Variants in UPB1 observed in about 807,000 individuals in gnomAD.
The protein encoded by UPB1 is beta-ureidopropionase 1, also known as beta-ureidopropionase.
Under a neutral mutation model 49.1 loss-of-function variants are expected in UPB1, and 40 were observed. The ratio of observed to expected loss-of-function variants is 0.81; its 90% confidence interval spans 0.63 to 1.06. UPB1 has a LOEUF of 1.06. UPB1 is among the 50% of genes least tolerant of loss of function. UPB1 has a pLI of 0.00. For missense variants in UPB1, 499 were observed against 505.9 expected, an observed-to-expected ratio of 0.99 and a Z score of 0.13; for synonymous variants, 207 against 198.2, an observed-to-expected ratio of 1.04 and a Z score of -0.38.
chr22:24,521,243 A>G (rs1164873872), intron 7 of UPB1, among the ~76,000 whole-genome samples: 1 of 149,358 alleles, frequency 6.7e-6, no homozygotes, highest in African/African-American at 2.5e-5. Context: ...GCACTTTGGG[A>G]GACCGAGTCG....
chr22:24,521,423 C>T (rs545513074), intron 7 of UPB1, among the ~76,000 whole-genome samples: 138 of 151,986 alleles, frequency 9.1e-4, no homozygotes, highest in Middle Eastern at 3.4e-3. Context: ...GTGGAAGAGC[C>T]GCGGTCGCAT....
In UPB1 at chr22:24,512,624, C is replaced by T. The variant is rs1379756865; in HGVS notation, c.460-700C>T. Among the ~76,000 whole-genome samples, 24 of 152,052 alleles carry T rather than the reference C, an allele frequency of 1.6e-4. 1 individual carries two copies. The highest frequency in any genetic ancestry group is 3.5e-4 in the Non-Finnish European group (24 of 68,014). ...TAGTGTAAAGTATATTCACACTGTG[C>T]GGATCTCCAGAATTTTTGCATCTTG... On this transcript the variant is annotated intron_variant, in intron 4 of 9. Transcript: ENST00000326010.
At chr22:24,513,273 T>A in intron 4 of UPB1, 51 bp from the exon 5 acceptor site, 1 of 1,613,552 alleles carries the variant, frequency 6.2e-7, no homozygotes, top group Non-Finnish European at 8.5e-7. Context: ...GATAAAAAAC[T>A]ACAACAATTG....
At chr22:24,513,227 C>T (rs577113308) in intron 4 of UPB1, 97 bp from the exon 5 acceptor site, 6 of 1,580,710 alleles carry the variant, frequency 3.8e-6, no homozygotes, top group South Asian at 1.1e-5. Flanking sequence ...GTTGCTCTGA[C>T]CCAAGCCTAT....
chr22:24,511,618 A>ATATAT (rs1280628896), intron 4 of UPB1, among the ~76,000 whole-genome samples: 27 of 122,554 alleles, frequency 2.2e-4, no homozygotes, highest in African/African-American at 7.8e-4. Flanking sequence ...ATATATATAT[A>ATATAT]TTTTTTTTTT....
At chr22:24,501,964 C>T (rs2044000711) in intron 2 of UPB1, among the ~76,000 whole-genome samples, 162 bp from the exon 3 acceptor site, 1 of 152,180 alleles carries the variant, frequency 6.6e-6, no homozygotes, top group Non-Finnish European at 1.5e-5. Flanking sequence ...GCTTTTCATG[C>T]AGATTTTGGA....
In UPB1 at chr22:24,515,395, G is replaced by A. The variant is rs575607732; in HGVS notation, c.791+25G>A. On this transcript the variant is annotated intron_variant, in intron 6 of 9. Coordinates refer to ENST00000326010, the MANE Select transcript of UPB1 (RefSeq NM_016327.3). ...GGTCACTCAGTTGGTGGGGTCTGGGGGGCTTCCTGGGGCCCAGCCAGCTAA... is the reference window on the plus strand; with the variant it reads ...GGTCACTCAGTTGGTGGGGTCTGGGAGGCTTCCTGGGGCCCAGCCAGCTAA... The A allele has an allele frequency of 8.7e-6, 14 of 1,613,946 alleles. No individual in the cohort carries two copies. In the East Asian group the frequency reaches 3.1e-4, roughly 36 times the overall value.
intron 3 of UPB1, among the ~76,000 whole-genome samples, chr22:24,505,015 A>G (rs576353935): frequency 8.7e-5 from 13 of 149,836 alleles, no homozygotes; most frequent in African/African-American, 2.5e-4. Flanking sequence ...TGCTGCAACT[A>G]TAGGCGTGAG....
chr22:24,513,515 C>G lies in UPB1; in HGVS notation c.621+30C>G, dbSNP rs773278973. 3 of 1,608,506 alleles carry G rather than the reference C, an allele frequency of 1.9e-6. No homozygotes were observed. In the South Asian group the frequency reaches 3.3e-5, roughly 18 times the overall value. The stretch of plus-strand genomic sequence containing the variant: ...GCCACCCATAAGATAGATAACCAGC[C>G]CTGCTCACTTGCCCCTCTGTATGTT... On this transcript the variant is annotated intron_variant, in intron 5 of 9. Coordinates refer to ENST00000326010, the MANE Select transcript of UPB1 (RefSeq NM_016327.3).
At chr22:24,504,750 C>T (rs1345231230) in intron 3 of UPB1, among the ~76,000 whole-genome samples, 7 of 75,562 alleles carry the variant, frequency 9.3e-5, no homozygotes, top group East Asian at 3.9e-4. Context: ...TTTTTTGATA[C>T]GTGGTCTTAC....
Position 24,495,344 on chromosome 22 carries a change from C to T in UPB1, c.-60C>T. Reference sequence around the variant, plus strand: ...CCTGACCGGGCCTGGGCACCTCCTCCCACTGCGGGCAAAGGGCAGGCAGTT... The same window carrying T: ...CCTGACCGGGCCTGGGCACCTCCTCTCACTGCGGGCAAAGGGCAGGCAGTT... On this transcript the variant is annotated 5_prime_UTR_variant, in exon 1 of 10. Transcript: ENST00000326010. The T allele has an allele frequency of 1.3e-6, 2 of 1,579,698 alleles. No homozygotes were observed. The highest frequency in any genetic ancestry group is 2.2e-5 in the East Asian group (1 of 44,730).
chr22:24,520,079 A>G, intron 6 of UPB1: 2 of 460,340 alleles, frequency 4.3e-6, no homozygotes, highest in Non-Finnish European at 8.0e-6. Flanking sequence ...TGAGGATTTG[A>G]TCCAGGGCTG....
rs2043969334 is a variant in UPB1 at position 24,500,270 on chromosome 22, G to A, written c.268G>A (p.Ala90Thr). ...RIPLPANAPV[A>T]EQVSALHRRI... ...CCCCCTCCCCGCAAATGCCCCTGTG[G>A]CAGAACAGGTGCAGACTCTTTTGAC... Residue 90 changes from alanine (A) to threonine (T), a missense_variant, in exon 2 of 10, where the codon GCA (alanine) becomes ACA (threonine). Ala to Thr is a moderately conservative substitution (Grantham distance 58). Coordinates refer to ENST00000326010, the MANE Select transcript of UPB1 (RefSeq NM_016327.3). 1.2e-6 allele frequency: 2 copies of A among 1,614,146 alleles called. No homozygotes were observed. Among genetic ancestry groups the A allele is most frequent in the Non-Finnish European group, 1.7e-6 (2 of 1,180,032 alleles).
At chr22:24,497,464 T>C (rs911121206) in intron 1 of UPB1, among the ~76,000 whole-genome samples, 25 of 152,014 alleles carry the variant, frequency 1.6e-4, no homozygotes, top group African/African-American at 5.6e-4. Flanking sequence ...AAGTGAGAGG[T>C]TGCTGAGGAG....
At chr22:24,501,238 T>C (rs946604902) in intron 2 of UPB1, among the ~76,000 whole-genome samples, 2 of 152,118 alleles carry the variant, frequency 1.3e-5, no homozygotes, top group African/African-American at 4.8e-5. Flanking sequence ...CACAAAGCCA[T>C]GGGGTGCACA....
chr22:24,504,313 T>C (rs1362326860), intron 3 of UPB1, among the ~76,000 whole-genome samples: 1 of 152,254 alleles, frequency 6.6e-6, no homozygotes, highest in African/African-American at 2.4e-5. Context: ...ATTTTCTTGA[T>C]AGTTTGGTTG....
In UPB1 at chr22:24,523,680, G is replaced by C; in HGVS notation, c.978G>C (p.Arg326=). The C allele has an allele frequency of 6.2e-7, 1 of 1,614,276 alleles. No homozygotes were observed. The highest frequency in any genetic ancestry group is 1.1e-5 in the South Asian group (1 of 91,088). The part of the protein sequence containing the change: ...SSYVAAPDSS[R]TPGLSRSRDG... Reference sequence around the variant, plus strand: ...ATGTGGCAGCCCCTGACAGCAGCCGGACTCCTGGGCTGTCCCGTAGCCGGG... The same window carrying C: ...ATGTGGCAGCCCCTGACAGCAGCCGCACTCCTGGGCTGTCCCGTAGCCGGG... The change falls in exon 9 of 10, where the codon CGG becomes CGC. Residue 326 remains arginine, a synonymous_variant. Transcript: ENST00000326010.
intron 6 of UPB1, among the ~76,000 whole-genome samples, chr22:24,517,398 C>T (rs1021386008): frequency 6.6e-6 from 1 of 152,222 alleles, no homozygotes; most frequent in African/African-American, 2.4e-5. Flanking sequence ...TTTGGGGCCA[C>T]CCCCTAAAGC....
rs202129656 is a variant in UPB1, at chr22:24,511,614, A to ATT, written c.459+772_459+773insTT. On this transcript the variant is annotated intron_variant, in intron 4 of 9. Coordinates refer to ENST00000326010, the MANE Select transcript of UPB1 (RefSeq NM_016327.3). ...CTCTGTGAATTATATATATATATAT[A>ATT]TATATTTTTTTTTTTTTGAGATGGA... is the stretch of plus-strand genomic sequence containing the variant. Among the ~76,000 whole-genome samples the ATT allele has an allele frequency of 5.8e-3, 704 of 121,126 alleles. 7 individuals are homozygous for ATT. The highest frequency in any genetic ancestry group is 0.041 in the Middle Eastern group (9 of 222). The allele number at this position is 121,126 out of a possible 152,430, so 79.5% of individuals were successfully genotyped here.
Sources: allele counts gnomAD v4.1 joint callset (sites outside exome capture counted in the v4.1 genomes callset), GRCh38; gene constraint gnomAD v4.1.1; transcripts MANE v1.5; gene names NCBI Gene and HGNC (gene_info 2026-07-23, HGNC 2026-07-21).